The following FMN2 variants were observed in gnomAD, a reference collection of about 807,000 sequenced individuals.
The protein encoded by FMN2 is formin 2.
A neutral mutation model predicts 142.3 loss-of-function variants in FMN2; 51 were observed. That is an observed-to-expected ratio of 0.36 (90% CI 0.29 to 0.45). FMN2 has a LOEUF of 0.45. Ranked by LOEUF, FMN2 falls within the 20% of genes least tolerant of loss-of-function variation. FMN2 has a pLI of 1.00. For missense variants in FMN2, 1,936 were observed against 2,122.8 expected, an observed-to-expected ratio of 0.91 and a Z score of 1.73; for synonymous variants, 882 against 869.8, an observed-to-expected ratio of 1.01 and a Z score of -0.25.
chr1:240,136,621 C>A (rs1360727555), intron 2 of FMN2, among the ~76,000 whole-genome samples: 1 of 152,048 alleles, frequency 6.6e-6, no homozygotes, highest in African/African-American at 2.4e-5. Context: ...GTATGATGGA[C>A]TTTTATTAAA....
At chr1:240,336,425 A>G (rs1450136160) in intron 13 of FMN2, among the ~76,000 whole-genome samples, 1 of 151,950 alleles carries the variant, frequency 6.6e-6, no homozygotes, top group African/African-American at 2.4e-5. Context: ...CAATGATCAC[A>G]TTTGTCTGGC....
intron 16 of FMN2, chr1:240,472,139 C>T (rs911839619): frequency 1.1e-5 from 5 of 437,348 alleles, no homozygotes; most frequent in Non-Finnish European, 2.0e-5. Context: ...TTGTATATTA[C>T]TCCATTCAAT....
At chr1:240,217,930 T>C (rs1666965514) in intron 6 of FMN2, among the ~76,000 whole-genome samples, 1 of 152,220 alleles carries the variant, frequency 6.6e-6, no homozygotes, top group African/African-American at 2.4e-5. Context: ...TGGAATTGCA[T>C]ACAATTTAAT....
chr1:240,203,251 T>A (rs572837997), intron 4 of FMN2, among the ~76,000 whole-genome samples: 1 of 152,310 alleles, frequency 6.6e-6, no homozygotes, highest in African/African-American at 2.4e-5. Context: ...AAAGACAGTG[T>A]GGCAATTCCT....
chr1:240,217,413 T>C (rs1666947093), intron 6 of FMN2, among the ~76,000 whole-genome samples: 1 of 152,202 alleles, frequency 6.6e-6, no homozygotes, highest in Non-Finnish European at 1.5e-5. Flanking sequence ...ATTTGTCTTT[T>C]GACCAAAGAC....
intron 6 of FMN2, among the ~76,000 whole-genome samples, chr1:240,228,553 G>A (rs181155076): frequency 3.9e-5 from 6 of 151,990 alleles, no homozygotes; most frequent in South Asian, 4.2e-4. Context: ...ATAAGGATGC[G>A]GAGAAACTGG....
rs1437909440 is a variant in FMN2 at position 240,149,793 on chromosome 1, G to A, written c.1782+26448G>A. Among the ~76,000 whole-genome samples, 3 of 152,242 alleles carry A rather than the reference G, an allele frequency of 2.0e-5. No individual in the cohort carries two copies. In the East Asian group the frequency reaches 5.8e-4, roughly 29 times the overall value. On this transcript the variant is annotated intron_variant, in intron 2 of 17. Coordinates refer to ENST00000319653, the MANE Select transcript of FMN2 (RefSeq NM_020066.5). ...TTCACCACTGCAAAATATATTCACA[G>A]GAAGATTAATTGTAATAGCTTTACA... is the stretch of plus-strand genomic sequence containing the variant.
At chr1:240,256,908 G>T (rs1237346342) in intron 6 of FMN2, among the ~76,000 whole-genome samples, 3 of 152,174 alleles carry the variant, frequency 2.0e-5, no homozygotes, top group Admixed American at 2.0e-4. Context: ...CTGTGACTTT[G>T]TGTAACAGTT....
intron 7 of FMN2, 21 bp from the exon 8 acceptor site, chr1:240,294,801 A>T: frequency 6.2e-7 from 1 of 1,613,240 alleles, no homozygotes; most frequent in Non-Finnish European, 8.5e-7. Context: ...GGCAATTTAT[A>T]TTCTTCTTTT....
At chr1:240,425,118 G>A (rs370069432) in intron 15 of FMN2, among the ~76,000 whole-genome samples, 3 of 151,916 alleles carry the variant, frequency 2.0e-5, no homozygotes, top group South Asian at 2.1e-4. Flanking sequence ...ATATTCAGGG[G>A]TGGCTGTTGT....
intron 15 of FMN2, among the ~76,000 whole-genome samples, chr1:240,405,417 G>A (rs1674113021): frequency 1.3e-5 from 2 of 152,090 alleles, no homozygotes; most frequent in African/African-American, 4.8e-5. Context: ...TCAGGAGTTC[G>A]AGACCAGCCT....
At chr1:240,198,082 A>G (rs1180032180) in intron 4 of FMN2, among the ~76,000 whole-genome samples, 2 of 152,222 alleles carry the variant, frequency 1.3e-5, no homozygotes, top group African/African-American at 2.4e-5. Context: ...CTTTCCATCC[A>G]TAGATCATTC....
intron 1 of FMN2, among the ~76,000 whole-genome samples, chr1:240,094,329 C>A (rs1012000940): frequency 6.6e-6 from 1 of 152,072 alleles, no homozygotes; most frequent in African/African-American, 2.4e-5. Flanking sequence ...CAAGAAAATC[C>A]GATACATGCT....
chr1:240,197,114 C>G (rs567119844), intron 4 of FMN2, among the ~76,000 whole-genome samples: 2 of 152,210 alleles, frequency 1.3e-5, no homozygotes, highest in East Asian at 3.9e-4. Flanking sequence ...TGCCCCACCC[C>G]CCAGCCTCGG....
chr1:240,129,925 T>G (rs547525802), intron 2 of FMN2, among the ~76,000 whole-genome samples: 26 of 152,332 alleles, frequency 1.7e-4, no homozygotes, highest in African/African-American at 4.8e-4. Context: ...GAGTTTTCTT[T>G]CATAATACTT....
chr1:240,107,550 T>C (rs969687506), intron 1 of FMN2, among the ~76,000 whole-genome samples: 1 of 152,212 alleles, frequency 6.6e-6, no homozygotes, highest in Non-Finnish European at 1.5e-5. Context: ...TCTTGATTTA[T>C]TTCATGACCT....
intron 8 of FMN2, among the ~76,000 whole-genome samples, chr1:240,305,575 A>G (rs1670358361): frequency 6.6e-6 from 1 of 152,152 alleles, no homozygotes; most frequent in Non-Finnish European, 1.5e-5. Context: ...GACATTTTAA[A>G]CTATATTCTT....
At chr1:240,469,434 C>T (rs1483065703) in intron 16 of FMN2, among the ~76,000 whole-genome samples, 1 of 152,090 alleles carries the variant, frequency 6.6e-6, no homozygotes, top group East Asian at 1.9e-4. Flanking sequence ...GTGACTGACT[C>T]ATCCTAGTCA....
intron 8 of FMN2, among the ~76,000 whole-genome samples, chr1:240,310,630 G>A (rs889481110): frequency 5.3e-5 from 8 of 152,142 alleles, no homozygotes; most frequent in African/African-American, 1.7e-4. Context: ...ATTAAGTTCA[G>A]AGAGTAAGAT....
Sources: allele counts gnomAD v4.1 joint callset (sites outside exome capture counted in the v4.1 genomes callset), GRCh38; gene constraint gnomAD v4.1.1; transcripts MANE v1.5; gene names NCBI Gene and HGNC (gene_info 2026-07-23, HGNC 2026-07-21).